COG7: variants seen among roughly 807,000 people sequenced by gnomAD.
COG7 encodes component of oligomeric golgi complex 7.
COG7 carries 49 observed loss-of-function variants against 91.5 expected under a neutral mutation model. That is an observed-to-expected ratio of 0.54 (90% confidence interval 0.43 to 0.68). COG7 has a LOEUF of 0.68. COG7 is among the 30% of genes least tolerant of loss of function. COG7 has a pLI of 0.00. For synonymous variants in COG7, 365 were observed against 388.7 expected (o/e 0.94, Z 0.72); for missense variants, 895 against 961.3 (o/e 0.93, Z 0.91).
At chr16:23,407,723 G>A (rs930251855) in intron 11 of COG7, among the ~76,000 whole-genome samples, 6 of 152,144 alleles carry the variant, frequency 3.9e-5, no homozygotes, top group African/African-American at 1.4e-4. Flanking sequence ...TGCCTGGTAC[G>A]TGGCAGGGGC....
At chr16:23,404,936 T>C (rs1963435474) in intron 12 of COG7, among the ~76,000 whole-genome samples, 1 of 152,036 alleles carries the variant, frequency 6.6e-6, no homozygotes, top group Non-Finnish European at 1.5e-5. Flanking sequence ...AAAAATTTTC[T>C]ACTGCATCTG....
At chr16:23,417,142 A>G (rs1963670163) in intron 8 of COG7, 21 bp from the exon 9 acceptor site, 1 of 1,613,868 alleles carries the variant, frequency 6.2e-7, no homozygotes, top group Non-Finnish European at 8.5e-7. Flanking sequence ...AATACAGACA[A>G]AGCTGCATTA....
intron 3 of COG7, among the ~76,000 whole-genome samples, chr16:23,443,270 C>A (rs1964131015): frequency 6.6e-6 from 1 of 152,028 alleles, no homozygotes; most frequent in Non-Finnish European, 1.5e-5. Context: ...CCAGGCTGGG[C>A]ACAATGGCTT....
intron 1 of COG7, chr16:23,447,390 T>C (rs1201406996): frequency 6.6e-6 from 1 of 151,492 alleles, no homozygotes; most frequent in Non-Finnish European, 1.5e-5. Flanking sequence ...TTTATATTTT[T>C]AGTAGAGACG....
At chr16:23,440,408 G>A (rs1452893360) in intron 4 of COG7, among the ~76,000 whole-genome samples, 2 of 149,904 alleles carry the variant, frequency 1.3e-5, no homozygotes, top group Non-Finnish European at 3.0e-5. Context: ...ATTACAATGA[G>A]ATACAAAGGG....
chr16:23,398,008 A>T, intron 14 of COG7, 38 bp downstream of exon 14: 1 of 1,556,070 alleles, frequency 6.4e-7, no homozygotes, highest in Non-Finnish European at 8.9e-7. Flanking sequence ...GGTCTGAAAG[A>T]CTTGGACCAC....
chr16:23,403,651 G>T, intron 13 of COG7, 43 bp downstream of exon 13: 4 of 1,612,466 alleles, frequency 2.5e-6, no homozygotes, highest in Non-Finnish European at 3.4e-6. Context: ...TTGAGTTGGA[G>T]GCAGGACCCG....
At chr16:23,430,959 T>A (rs948267039) in intron 6 of COG7, among the ~76,000 whole-genome samples, 16 of 151,428 alleles carry the variant, frequency 1.1e-4, no homozygotes, top group African/African-American at 3.9e-4. Flanking sequence ...AGCCCAGGAG[T>A]TCGACACCAG....
intron 14 of COG7, 67 bp downstream of exon 14, chr16:23,397,979 A>G: frequency 7.3e-7 from 1 of 1,373,404 alleles, no homozygotes; most frequent in Non-Finnish European, 1.0e-6. Context: ...TATAAGGGCA[A>G]GAATCAAAAG....
In COG7 at chr16:23,452,777, C is replaced by T. The variant is rs780882663; in HGVS notation, c.169+49G>A. ...TCACGCAAGTTCGGTGACCTCTGCC[C>T]AGCCGAGAGCAGGGGAGGGTCCCGC... On this transcript the variant is annotated intron_variant, in intron 1 of 16. Transcript: ENST00000307149. 3 of 1,573,718 alleles carry T rather than the reference C, an allele frequency of 1.9e-6. No individual in the cohort carries two copies. In the African/African-American group the frequency reaches 4.1e-5, roughly 21 times the overall value.
At chr16:23,423,852 T>C (rs966723356) in intron 7 of COG7, among the ~76,000 whole-genome samples, 9 of 152,184 alleles carry the variant, frequency 5.9e-5, no homozygotes, top group Non-Finnish European at 1.3e-4. Context: ...GGGAAAGAGC[T>C]TGGAGAGCAT....
At chr16:23,393,441 A>C (rs1596905466) in intron 14 of COG7, 94 bp from the exon 15 acceptor site, 1 of 930,286 alleles carries the variant, frequency 1.1e-6, no homozygotes, top group East Asian at 2.5e-5. Context: ...GCAGAGAGAC[A>C]AAATTGCTAG....
At chr16:23,419,454 G>A (rs1240581221) in intron 7 of COG7, among the ~76,000 whole-genome samples, 3 of 148,744 alleles carry the variant, frequency 2.0e-5, no homozygotes, top group Non-Finnish European at 3.0e-5. Context: ...TCAGGTTCAA[G>A]AATTGCCACA....
At chr16:23,428,950 C>A (rs1005337829) in intron 6 of COG7, among the ~76,000 whole-genome samples, 4 of 151,914 alleles carry the variant, frequency 2.6e-5, no homozygotes, top group Non-Finnish European at 5.9e-5. Flanking sequence ...ACCTCGGCCT[C>A]CCAAAGTGCT....
intron 4 of COG7, among the ~76,000 whole-genome samples, chr16:23,442,143 G>A (rs920654054): frequency 3.9e-5 from 6 of 151,980 alleles, no homozygotes; most frequent in Non-Finnish European, 7.4e-5. Flanking sequence ...AGACCAGCCC[G>A]GCCAACATGG....
chr16:23,390,678 C>A (rs564636118), intron 16 of COG7, among the ~76,000 whole-genome samples: 1 of 151,686 alleles, frequency 6.6e-6, no homozygotes, highest in Non-Finnish European at 1.5e-5. Context: ...TAGGCCCAAG[C>A]GATCCTCCTG....
At chr16:23,390,199 T>G (rs1009959702) in intron 16 of COG7, 1 of 151,004 alleles carries the variant, frequency 6.6e-6, no homozygotes, top group Non-Finnish European at 1.5e-5. Context: ...AGTTTTTTTT[T>G]TTTTTTTTTT....
chr16:23,422,403 A>G (rs1963772831), intron 7 of COG7, among the ~76,000 whole-genome samples: 2 of 151,180 alleles, frequency 1.3e-5, no homozygotes, highest in African/African-American at 4.8e-5. Flanking sequence ...TATTTTGAGC[A>G]TTTCAAAAAA....
chr16:23,453,066 G>A lies in COG7; in HGVS notation c.-72C>T. The A allele has an allele frequency of 1.2e-6, 2 of 1,601,638 alleles. No individual in the cohort carries two copies. Among genetic ancestry groups the A allele is most frequent in the South Asian group, 1.1e-5 (1 of 89,786 alleles). On this transcript the variant is annotated 5_prime_UTR_variant, in exon 1 of 17. Coordinates refer to ENST00000307149, the MANE Select transcript of COG7 (RefSeq NM_153603.4). ...CGGGCGGCAACGGGGATGCAGAAGC[G>A]AGCGAGCCTGCGAGAGCACCGAGGC...
Sources: gnomAD v4.1 joint callset for allele counts (sites outside exome capture counted in the v4.1 genomes callset) on GRCh38, gnomAD v4.1.1 for gene constraint, MANE v1.5 for transcripts, NCBI Gene and HGNC (gene_info 2026-07-23, HGNC 2026-07-21) for gene names.